ARHGEF40: variants seen among roughly 807,000 people sequenced by gnomAD.
ARHGEF40 encodes the protein Rho guanine nucleotide exchange factor (GEF) 40.
Under a neutral mutation model 165.9 loss-of-function variants are expected in ARHGEF40, and 98 were observed. The observed-to-expected ratio is 0.59, with a 90% CI of 0.50 to 0.70. The LOEUF (loss-of-function observed/expected upper bound fraction) is 0.70. ARHGEF40 is among the 30% of genes least tolerant of loss of function. The pLI, the probability that ARHGEF40 is intolerant of heterozygous loss-of-function variation, is 0.00. For missense variants in ARHGEF40, 1,815 were observed against 1,968.0 expected (o/e 0.92, Z 1.47); for synonymous variants, 792 against 814.3 (o/e 0.97, Z 0.47).
chr14:21,075,917 T>G lies in ARHGEF40; in HGVS notation c.1739+152T>G, dbSNP rs772078806. The G allele has an allele frequency of 2.9e-5, 29 of 990,966 alleles. No individual in the cohort carries two copies. The highest frequency in any genetic ancestry group is 4.1e-5 in the Non-Finnish European group (28 of 690,198). The allele number at this position is 990,966 out of a possible 1,614,324, so 61.4% of individuals were successfully genotyped here. On this transcript the variant is annotated intron_variant, in intron 5 of 23. Coordinates refer to ENST00000298694, the MANE Select transcript of ARHGEF40 (RefSeq NM_018071.5). The surrounding 1 kb of genome is among the most constrained non-coding windows in gnomAD (Gnocchi z 4.5). ...TCAAGCCATTGACCTTTGGCCTTAC[T>G]TACCCTGACCTCCAGCTTCATATCT...
intron 5 of ARHGEF40, among the ~76,000 whole-genome samples, 194 bp from the exon 6 acceptor site, chr14:21,076,166 G>A (rs1184400891): frequency 6.6e-6 from 1 of 152,176 alleles, no homozygotes; most frequent in African/African-American, 2.4e-5. Flanking sequence ...ATAGACCCCT[G>A]ACTGCTAGGT....
rs1479088634 is a variant in ARHGEF40, at chr14:21,089,684, G to A, written c.*676G>A. ...GTCCCCTCTACCCCTCCCAGGCCCAGAGCTAGCTGACTGTGTATGAGCCTG... is the reference window on the plus strand; with the variant it reads ...GTCCCCTCTACCCCTCCCAGGCCCAAAGCTAGCTGACTGTGTATGAGCCTG... On this transcript the variant is annotated 3_prime_UTR_variant, in exon 24 of 24. Transcript: ENST00000298694. 6.6e-6 allele frequency: 1 copy of A among 152,288 alleles called. No homozygotes were observed. The highest frequency in any genetic ancestry group is 6.5e-5 in the Admixed American group (1 of 15,272). 9.4% of individuals were successfully genotyped at this position (152,288 alleles called of 1,614,324 possible).
intron 21 of ARHGEF40, 86 bp from the exon 22 acceptor site, chr14:21,087,881 CT>C: frequency 1.3e-6 from 2 of 1,581,248 alleles, no homozygotes. Context: ...TGCTATGGAG[CT>C]TTTTCTTCCC....
Position 21,074,371 on chromosome 14 carries a change from G to A in ARHGEF40, c.641G>A (p.Ser214Asn), listed in dbSNP as rs745862444. Residue 214 changes from serine to asparagine, a missense_variant, in exon 3 of 24, where the codon AGC (serine) becomes AAC (asparagine). By Grantham distance (46) the Ser-to-Asn change is conservative (BLOSUM62 1). Transcript: ENST00000298694. The surrounding 1 kb of genome is among the most constrained non-coding windows in gnomAD (Gnocchi z 4.8). ...ELPSGPPGLP[S>N]PPLPEEALGT... Reference sequence around the variant, plus strand: ...CCCTCTGGACCTCCAGGGCTTCCCAGCCCTCCACTTCCTGAGGAGGCGCTG... The same window carrying A: ...CCCTCTGGACCTCCAGGGCTTCCCAACCCTCCACTTCCTGAGGAGGCGCTG... 1.2e-6 allele frequency: 2 copies of A among 1,613,480 alleles called. No homozygotes were observed. The highest frequency in any genetic ancestry group is 1.7e-6 in the Non-Finnish European group (2 of 1,179,682).
chr14:21,084,086 G>A (rs971872060), intron 17 of ARHGEF40, 36 bp downstream of exon 17: 37 of 1,553,476 alleles, frequency 2.4e-5, no homozygotes, highest in Non-Finnish European at 3.1e-5. Flanking sequence ...TGCTCAAACT[G>A]CCCAGCCCTG....
chr14:21,081,315 T>G, intron 13 of ARHGEF40, 194 bp from the exon 14 acceptor site: 1 of 836,238 alleles, frequency 1.2e-6, no homozygotes, highest in East Asian at 2.7e-5. Context: ...TATTCTTTTA[T>G]ATAGGCTCTT....
At chr14:21,079,185 T>C (rs561127362) in intron 11 of ARHGEF40, among the ~76,000 whole-genome samples, 175 bp downstream of exon 11, 5 of 152,282 alleles carry the variant, frequency 3.3e-5, no homozygotes, top group South Asian at 4.1e-4. Context: ...GGGAGCATCA[T>C]AGCACCAGTA....
At chr14:21,076,752 C>A (rs776607855) in intron 7 of ARHGEF40, 22 bp from the exon 8 acceptor site, 134 of 1,612,918 alleles carry the variant, frequency 8.3e-5, no homozygotes, top group Non-Finnish European at 1.1e-4. Flanking sequence ...CAGGAAGAAA[C>A]CCCCTGCCTT....
chr14:21,083,782 G>T, intron 16 of ARHGEF40, 53 bp from the exon 17 acceptor site: 124 of 1,447,818 alleles, frequency 8.6e-5, no homozygotes, highest in Non-Finnish European at 1.1e-4. Flanking sequence ...CCCTGAGCTT[G>T]GCCCCCAGAG....
In ARHGEF40 at chr14:21,081,607, G is replaced by C. The variant is rs1379695667; in HGVS notation, c.2739G>C (p.Glu913Asp). 2 of 1,610,950 alleles carry C rather than the reference G, an allele frequency of 1.2e-6. No individual in the cohort carries two copies. Among genetic ancestry groups the C allele is most frequent in the African/African-American group, 2.7e-5 (2 of 74,896 alleles). ...CACTGGCCCTGCGGCGGGCCCCAGA[G>C]CCCAGTGCCGGCACCTTCCAGGAGA... ...LAALALRRAP[E>D]PSAGTFQEMR... Residue 913 changes from glutamate (E) to aspartate (D), a missense_variant, in exon 14 of 24, where the codon GAG becomes GAC. By Grantham distance (45) the Glu-to-Asp change is conservative. Coordinates refer to ENST00000298694, the MANE Select transcript of ARHGEF40 (RefSeq NM_018071.5).
Position 21,089,011 on chromosome 14 carries a change from T to A in ARHGEF40, c.*6-3T>A. ...CATCTCCCTCTTCTCTCCTGGCTTCTAGAGAAGATCCAGAACTTGCGTGCA... is the reference window on the plus strand; with the variant it reads ...CATCTCCCTCTTCTCTCCTGGCTTCAAGAGAAGATCCAGAACTTGCGTGCA... On this transcript the variant is annotated splice_region_variant and splice_polypyrimidine_tract_variant and intron_variant, in intron 23 of 23. Transcript: ENST00000298694. 1 of 891,154 alleles carries A rather than the reference T, an allele frequency of 1.1e-6. No individual in the cohort carries two copies. The highest frequency in any genetic ancestry group is 1.7e-6 in the Non-Finnish European group (1 of 584,966). The allele number at this position is 891,154 out of a possible 1,614,324, so 55.2% of individuals were successfully genotyped here.
chr14:21,081,717 G>A lies in ARHGEF40; in HGVS notation c.2849G>A (p.Arg950Lys), dbSNP rs754733657. 8 of 1,577,850 alleles carry A rather than the reference G, an allele frequency of 5.1e-6. No homozygotes were observed. Among genetic ancestry groups the A allele is most frequent in the Non-Finnish European group, 6.9e-6 (8 of 1,161,900 alleles). Residue 950 changes from arginine (R) to lysine (K), a missense_variant, in exon 14 of 24, where the codon AGG becomes AAG. Transcript: ENST00000298694. ...CAGGCCCGCTGCCAAGAGCTAGAGA[G>A]GAGGATCCAGCAACACGTGGGAGAG... The part of the protein sequence containing the change: ...RCQARCQELE[R>K]RIQQHVGEEA...
rs975492700 is a variant in ARHGEF40 at position 21,079,102 on chromosome 14, C to T, written c.2373+92C>T. ...GGTACTTATAGTTGATGGTGTTCTT[C>T]TAGCCTGGCTTGGTTGAACGCCCCT... On this transcript the variant is annotated intron_variant, in intron 11 of 23. Coordinates refer to ENST00000298694, the MANE Select transcript of ARHGEF40 (RefSeq NM_018071.5). The T allele has an allele frequency of 7.4e-6, 11 of 1,485,872 alleles. No individual in the cohort carries two copies. In the African/African-American group the frequency reaches 1.5e-4, roughly 21 times the overall value. 92.0% of individuals were successfully genotyped at this position (1,485,872 alleles called of 1,614,324 possible). A position where few individuals can be genotyped will look rare whatever the true frequency, so the allele number is the denominator to read the frequency against.
At position 21,084,936 on chromosome 14, in the gene ARHGEF40, G is replaced by C; in HGVS notation, c.3960+13G>C. 6.2e-7 allele frequency: 1 copy of C among 1,610,880 alleles called. No homozygotes were observed. Among genetic ancestry groups the C allele is most frequent in the Non-Finnish European group, 8.5e-7 (1 of 1,178,434 alleles). On this transcript the variant is annotated intron_variant, in intron 18 of 23. Transcript: ENST00000298694. Reference sequence around the variant, plus strand: ...GCAGGCCTTTAAGGTACGATTCCTGGAGTGAGTGGTGGAGGTGACAGGAAG... The same window carrying C: ...GCAGGCCTTTAAGGTACGATTCCTGCAGTGAGTGGTGGAGGTGACAGGAAG...
upstream of ARHGEF40, among the ~76,000 whole-genome samples, chr14:21,067,337 C>G (rs532195396): frequency 6.6e-6 from 1 of 151,948 alleles, no homozygotes; most frequent in Admixed American, 6.6e-5. Flanking sequence ...AACCTCAGTG[C>G]TGGCTTCTAC....
In ARHGEF40 at chr14:21,087,448, A is replaced by G. The variant is rs745733655; in HGVS notation, c.4372A>G (p.Lys1458Glu). ...GGAGGAGGCCTGGGATCTGGACGTC[A>G]AGCAAATTTCCCTGGGTGAGGCACC... ...VEEEAWDLDV[K>E]QISLAPETLD... Residue 1458 changes from lysine (K) to glutamate (E), a missense_variant, in exon 21 of 24, where the codon AAG (lysine) becomes GAG (glutamate). Coordinates refer to ENST00000298694, the MANE Select transcript of ARHGEF40 (RefSeq NM_018071.5). The G allele has an allele frequency of 1.0e-5, 16 of 1,600,668 alleles. No homozygotes were observed. The highest frequency in any genetic ancestry group is 1.4e-5 in the Non-Finnish European group (16 of 1,179,900).
At position 21,088,887 on chromosome 14, in the gene ARHGEF40, A is replaced by G. The variant is rs1343573213; in HGVS notation, c.*5+11A>G. On this transcript the variant is annotated intron_variant, in intron 23 of 23. Transcript: ENST00000298694. ...GCCTCTGTGACCTGGGTGAGTCAGC[A>G]TCCCCAATTTCTACCACATCCAGCA... 1 of 1,611,618 alleles carries G rather than the reference A, an allele frequency of 6.2e-7. No homozygotes were observed. Among genetic ancestry groups the G allele is most frequent in the East Asian group, 2.2e-5 (1 of 44,716 alleles).
At chr14:21,077,280 T>A (rs1887504004) in intron 8 of ARHGEF40, among the ~76,000 whole-genome samples, 2 of 66,650 alleles carry the variant, frequency 3.0e-5, no homozygotes, top group Non-Finnish European at 6.6e-5. Context: ...AGTTTTTGTA[T>A]TTTTTTTTTT....
Position 21,078,202 on chromosome 14 carries a change from G to T in ARHGEF40, c.2060G>T (p.Cys687Phe). The change falls in exon 9 of 24, where the codon TGC becomes TTC. Residue 687 changes from cysteine to phenylalanine, a missense_variant. Physicochemically the swap from Cys to Phe is radical, Grantham distance 205 (BLOSUM62 -2). Transcript: ENST00000298694. ...HQEVVRLCRL[C>F]QGVLGSVRQA... ...GAAGTGGTAAGGCTATGTCGCCTGTGCCAAGGTGTGCTGGGCTCGGTACGG... is the reference window on the plus strand; with the variant it reads ...GAAGTGGTAAGGCTATGTCGCCTGTTCCAAGGTGTGCTGGGCTCGGTACGG... 6.2e-7 allele frequency: 1 copy of T among 1,613,998 alleles called. No homozygotes were observed. Among genetic ancestry groups the T allele is most frequent in the Non-Finnish European group, 8.5e-7 (1 of 1,179,964 alleles).
Sources: gnomAD v4.1 joint callset for allele counts (sites outside exome capture counted in the v4.1 genomes callset) on GRCh38, gnomAD v4.1.1 for gene constraint, Gnocchi (gnomAD v3.1) non-coding constraint, MANE v1.5 for transcripts, NCBI Gene and HGNC (gene_info 2026-07-23, HGNC 2026-07-21) for gene names.